The following TENT2 variants were observed in gnomAD, a reference collection of about 807,000 sequenced individuals.
TENT2 encodes terminal nucleotidyltransferase 2.
A neutral mutation model predicts 72.2 loss-of-function variants in TENT2; 44 were observed. The ratio of observed to expected loss-of-function variants is 0.61; its 90% confidence interval spans 0.48 to 0.78. The LOEUF is 0.78. Ranked by LOEUF, TENT2 falls within the 30% of genes least tolerant of loss-of-function variation. TENT2 has a pLI of 0.00. For synonymous variants in TENT2, 212 were observed against 192.5 expected, an observed-to-expected ratio of 1.10 and a Z score of -0.84; for missense variants, 541 against 569.6, an observed-to-expected ratio of 0.95 and a Z score of 0.51.
At chr5:79,626,180 G>A (rs746806952) in intron 4 of TENT2, among the ~76,000 whole-genome samples, 9 of 152,002 alleles carry the variant, frequency 5.9e-5, no homozygotes, top group Non-Finnish European at 1.3e-4. Context: ...GTCATGCCCA[G>A]GCTGGAATGC....
At chr5:79,633,431 AG>A (rs370083157) in intron 4 of TENT2, among the ~76,000 whole-genome samples, 1 of 127,732 alleles carries the variant, frequency 7.8e-6, no homozygotes, top group African/African-American at 2.9e-5. Context: ...CCAGCTAAAA[AG>A]TTTTTTTTTT....
chr5:79,682,286 C>G (rs952217367), intron 14 of TENT2, among the ~76,000 whole-genome samples: 1 of 151,970 alleles, frequency 6.6e-6, no homozygotes, highest in Non-Finnish European at 1.5e-5. Context: ...AGCATTTTCT[C>G]TTTTCTTTTT....
At chr5:79,653,486 G>A (rs902343233) in intron 10 of TENT2, among the ~76,000 whole-genome samples, 2 of 152,072 alleles carry the variant, frequency 1.3e-5, no homozygotes, top group African/African-American at 4.8e-5. Context: ...GAGTGACTGT[G>A]TCTTAACAAA....
intron 1 of TENT2, among the ~76,000 whole-genome samples, chr5:79,614,622 A>C (rs1385757864): frequency 6.6e-6 from 1 of 152,202 alleles, no homozygotes; most frequent in African/African-American, 2.4e-5. Flanking sequence ...AATTTGTCAC[A>C]TAGGAGATGG....
chr5:79,643,815 C>T (rs576573003), intron 7 of TENT2, among the ~76,000 whole-genome samples: 5 of 151,040 alleles, frequency 3.3e-5, no homozygotes, highest in Admixed American at 2.6e-4. Context: ...TTTTCTTTTT[C>T]TTTTGGTTAT....
intron 1 of TENT2, among the ~76,000 whole-genome samples, 171 bp downstream of exon 1, chr5:79,613,246 A>G (rs1054451017): frequency 6.6e-6 from 1 of 152,204 alleles, no homozygotes; most frequent in African/African-American, 2.4e-5. Flanking sequence ...TCGTCTCTCA[A>G]GGTGAGAACA....
chr5:79,633,164 A>G (rs1005845390), intron 4 of TENT2, among the ~76,000 whole-genome samples: 1 of 152,204 alleles, frequency 6.6e-6, no homozygotes, highest in African/African-American at 2.4e-5. Context: ...AACTTTTATT[A>G]CACATCTGGC....
At chr5:79,647,464 A>G (rs1330005771) in intron 8 of TENT2, among the ~76,000 whole-genome samples, 1 of 152,208 alleles carries the variant, frequency 6.6e-6, no homozygotes, top group Non-Finnish European at 1.5e-5. Context: ...TTAGAATTAC[A>G]CAAACACAAA....
intron 11 of TENT2, among the ~76,000 whole-genome samples, chr5:79,668,346 C>A (rs1485467016): frequency 6.6e-6 from 1 of 152,074 alleles, no homozygotes; most frequent in Non-Finnish European, 1.5e-5. Context: ...GAACATCTCT[C>A]TTCTTTTCCA....
chr5:79,636,787 G>C (rs1214150236), intron 4 of TENT2, among the ~76,000 whole-genome samples: 1 of 151,980 alleles, frequency 6.6e-6, no homozygotes, highest in Non-Finnish European at 1.5e-5. Flanking sequence ...CTAGTTTTCA[G>C]TATACAAATC....
intron 4 of TENT2, among the ~76,000 whole-genome samples, chr5:79,640,606 C>T (rs538173837): frequency 3.2e-4 from 49 of 152,200 alleles, no homozygotes; most frequent in Admixed American, 5.2e-4. Context: ...ATTTTTATTA[C>T]GAAGTATCTG....
At chr5:79,614,091 C>CTTT (rs530001400) in intron 1 of TENT2, 16 of 78,454 alleles carry the variant, frequency 2.0e-4, no homozygotes, top group Admixed American at 3.2e-4. Flanking sequence ...AGGAATTAAT[C>CTTT]TTTTTTTTTT....
intron 12 of TENT2, among the ~76,000 whole-genome samples, chr5:79,672,282 A>G (rs1813523150): frequency 6.6e-6 from 1 of 152,200 alleles, no homozygotes; most frequent in Admixed American, 6.5e-5. Flanking sequence ...TGGGGTATCC[A>G]TCACCTCAAG....
At chr5:79,617,492 AC>A (rs1761205689) in intron 1 of TENT2, 1 of 152,168 alleles carries the variant, frequency 6.6e-6, no homozygotes, top group South Asian at 2.1e-4. Flanking sequence ...ATGGTCAAAT[AC>A]ATCAGATAAT....
chr5:79,658,728 G>A (rs1269945827), intron 11 of TENT2, among the ~76,000 whole-genome samples: 1 of 152,166 alleles, frequency 6.6e-6, no homozygotes, highest in Non-Finnish European at 1.5e-5. Context: ...TATGCTACAT[G>A]AAGCTCTTTT....
chr5:79,676,478 G>C (rs1430699510), intron 12 of TENT2, among the ~76,000 whole-genome samples: 1 of 152,164 alleles, frequency 6.6e-6, no homozygotes, highest in East Asian at 1.9e-4. Context: ...CCAGCTACTC[G>C]GGATGCTGAG....
At chr5:79,631,349 A>G (rs1361405082) in intron 4 of TENT2, among the ~76,000 whole-genome samples, 1 of 152,202 alleles carries the variant, frequency 6.6e-6, no homozygotes, top group African/African-American at 2.4e-5. Context: ...AGGAAGATTT[A>G]TATGTGTGCT....
chr5:79,644,316 G>A (rs58314186), intron 7 of TENT2, among the ~76,000 whole-genome samples: 30,862 of 151,926 alleles, frequency 0.2, 4,628 homozygotes, highest in African/African-American at 0.42. Flanking sequence ...GTAAAACATT[G>A]TAACAGAAAA....
chr5:79,648,911 G>A (rs2150131661), intron 9 of TENT2, 151 bp from the exon 10 acceptor site: 2 of 980,040 alleles, frequency 2.0e-6, no homozygotes, highest in South Asian at 1.8e-5. Context: ...ACTAAGGTAA[G>A]TTTTAGACAT....
Sources: allele counts gnomAD v4.1 joint callset (sites outside exome capture counted in the v4.1 genomes callset), GRCh38; gene constraint gnomAD v4.1.1; transcripts MANE v1.5; gene names NCBI Gene and HGNC (gene_info 2026-07-23, HGNC 2026-07-21).